LMOD2: variants seen among roughly 807,000 people sequenced by gnomAD.
The protein encoded by LMOD2 is leiomodin 2, also known as leiomodin-2.
A neutral mutation model predicts 41.7 loss-of-function variants in LMOD2; 27 were observed. The ratio of observed to expected loss-of-function variants is 0.65; its 90% confidence interval spans 0.48 to 0.89. The LOEUF (loss-of-function observed/expected upper bound fraction) is 0.89, where lower values mean the gene tolerates loss of function less well. Ranked by LOEUF, LMOD2 falls within the 40% of genes least tolerant of loss-of-function variation. The pLI is 0.00. For synonymous variants in LMOD2, 251 were observed against 244.6 expected (o/e 1.03, Z -0.25); for missense variants, 624 against 667.9 (o/e 0.93, Z 0.72).
At chr7:123,663,647 G>A in intron 2 of LMOD2, 72 bp from the exon 3 acceptor site, 1 of 1,281,208 alleles carries the variant, frequency 7.8e-7, no homozygotes, top group Non-Finnish European at 1.1e-6. Context: ...TACTGCTAGA[G>A]ACATATCCTA....
Position 123,663,200 on chromosome 7 carries a change from G to T in LMOD2, c.1614G>T (p.Lys538Asn), listed in dbSNP as rs1295902346. The change falls in exon 2 of 3, where the codon AAG becomes AAT. Residue 538 changes from lysine (K) to asparagine (N), a missense_variant. Coordinates refer to ENST00000458573, the MANE Select transcript of LMOD2 (RefSeq NM_207163.3). ...GGGGAAGCAGCATAAAACAGCTAAA[G>T]CGGGTAAGTAACCAGAGAACAGACA... Reference protein sequence around the residue: ...AIRGSSIKQLKRVEVPEALR With the variant: ...AIRGSSIKQLNRVEVPEALR 6.4e-7 allele frequency: 1 copy of T among 1,562,978 alleles called. No homozygotes were observed. The highest frequency in any genetic ancestry group is 1.9e-5 in the Admixed American group (1 of 52,192).
chr7:123,658,032 T>TGTAC (rs567850439), intron 1 of LMOD2, among the ~76,000 whole-genome samples: 35 of 141,214 alleles, frequency 2.5e-4, no homozygotes, highest in Admixed American at 2.2e-3. Flanking sequence ...TGTCTCAGAA[T>TGTAC]ATCCAGGCTG....
intron 1 of LMOD2, among the ~76,000 whole-genome samples, chr7:123,658,740 A>G (rs925882531): frequency 2.0e-5 from 3 of 152,238 alleles, no homozygotes; most frequent in Non-Finnish European, 4.4e-5. Context: ...GCTTGTACAT[A>G]GAAGTGAAAA....
In LMOD2 at chr7:123,663,716, T is replaced by A; in HGVS notation, c.1618-3T>A. The stretch of plus-strand genomic sequence containing the variant: ...ATTGAGAGAAAATCCGCTATTTTTG[T>A]AGGTGGAAGTTCCAGAAGCCCTGCG... On this transcript the variant is annotated splice_region_variant and splice_polypyrimidine_tract_variant and intron_variant, in intron 2 of 2. Coordinates refer to ENST00000458573, the MANE Select transcript of LMOD2 (RefSeq NM_207163.3). 1 of 1,578,160 alleles carries A rather than the reference T, an allele frequency of 6.3e-7. No individual in the cohort carries two copies.
At chr7:123,656,340 T>C in intron 1 of LMOD2, 104 bp downstream of exon 1, 2 of 1,261,276 alleles carry the variant, frequency 1.6e-6, no homozygotes, top group Non-Finnish European at 1.1e-6. Flanking sequence ...TCACTTGAAT[T>C]TTCCTATAAC....
rs1460842478 is a variant in LMOD2, at chr7:123,662,766, A to G, written c.1180A>G (p.Arg394Gly). ...TPSSSPYVSP[R>G]HSPWSSPKLP... ...TAGCTCTTCACCTTATGTATCTCCC[A>G]GGCACTCACCCTGGTCATCCCCAAA... The change falls in exon 2 of 3, where the codon AGG (arginine) becomes GGG (glycine). Residue 394 changes from arginine to glycine, a missense_variant. Transcript: ENST00000458573. The surrounding 1 kb of genome is among the most constrained non-coding windows in gnomAD (Gnocchi z 4.0). The G allele has an allele frequency of 5.6e-6, 9 of 1,613,948 alleles. No individual in the cohort carries two copies. Among genetic ancestry groups the G allele is most frequent in the Non-Finnish European group, 6.8e-6 (8 of 1,179,894 alleles).
At position 123,662,255 on chromosome 7, in the gene LMOD2, C is replaced by CATCA; in HGVS notation, c.670_673dup (p.Thr225AsnfsTer11). ...AAGTCAATTTGAACAACATTGAGAA[C>CATCA]ATCACAACACAGACCCTTACCCGCT... is the stretch of plus-strand genomic sequence containing the variant. On this transcript the variant is annotated frameshift_variant, in exon 2 of 3. Transcript: ENST00000458573. LOFTEE classifies it high-confidence loss of function. This position sits in a 1 kb window ranked among gnomAD's most constrained non-coding sequence, Gnocchi z 4.0. 6.2e-7 allele frequency: 1 copy of CATCA among 1,614,002 alleles called. No homozygotes were observed. The highest frequency in any genetic ancestry group is 8.5e-7 in the Non-Finnish European group (1 of 1,179,890).
In LMOD2 at chr7:123,662,995, A is replaced by G; in HGVS notation, c.1409A>G (p.Gln470Arg). Residue 470 changes from glutamine (Q) to arginine (R), a missense_variant, in exon 2 of 3, where the codon CAA becomes CGA. By Grantham distance (43) the Gln-to-Arg change is conservative (BLOSUM62 1). Transcript: ENST00000458573. This position sits in a 1 kb window ranked among gnomAD's most constrained non-coding sequence, Gnocchi z 4.0. The part of the protein sequence containing the change: ...AEVIKQQESA[Q>R]RALQNGQKKK... ...GTCATCAAACAACAGGAGAGTGCCC[A>G]ACGGGCATTACAAAATGGACAAAAA... is the stretch of plus-strand genomic sequence containing the variant. The G allele has an allele frequency of 6.4e-7, 1 of 1,552,922 alleles. No individual in the cohort carries two copies. Among genetic ancestry groups the G allele is most frequent in the Non-Finnish European group, 8.7e-7 (1 of 1,147,678 alleles).
In LMOD2 at chr7:123,662,863, C is replaced by T; in HGVS notation, c.1277C>T (p.Pro426Leu). 1 of 1,501,368 alleles carries T rather than the reference C, an allele frequency of 6.7e-7. No individual in the cohort carries two copies. Among genetic ancestry groups the T allele is most frequent in the African/African-American group, 1.4e-5 (1 of 71,504 alleles). 93.0% of individuals were successfully genotyped at this position (1,501,368 alleles called of 1,614,324 possible). ...SPVATPPPPP[P>L]PPPPPPPSSQ... ...GTGGCCACACCTCCTCCTCCTCCCC[C>T]TCCTCCTCCTCCTCCCCCTCCTTCT... is the stretch of plus-strand genomic sequence containing the variant. Residue 426 changes from proline to leucine, a missense_variant, in exon 2 of 3, where the codon CCT becomes CTT. Pro to Leu is a moderately conservative substitution (Grantham distance 98). Transcript: ENST00000458573. This position sits in a 1 kb window ranked among gnomAD's most constrained non-coding sequence, Gnocchi z 4.0.
In LMOD2 at chr7:123,662,032, G is replaced by C; in HGVS notation, c.446G>C (p.Gly149Ala). Residue 149 changes from glycine (G) to alanine (A), a missense_variant, in exon 2 of 3, where the codon GGA (glycine) becomes GCA (alanine). Transcript: ENST00000458573. This position sits in a 1 kb window ranked among gnomAD's most constrained non-coding sequence, Gnocchi z 4.0. Reference protein sequence around the residue: ...RTIETAKGINGTVNYDSVNSD... With the variant: ...RTIETAKGINATVNYDSVNSD... The stretch of plus-strand genomic sequence containing the variant: ...ATTGAAACTGCAAAAGGGATTAATG[G>C]AACTGTAAATTATGATAGTGTCAAT... 6.3e-7 allele frequency: 1 copy of C among 1,580,468 alleles called. No homozygotes were observed. Among genetic ancestry groups the C allele is most frequent in the South Asian group, 1.2e-5 (1 of 86,570 alleles).
Position 123,662,771 on chromosome 7 carries a change from C to A in LMOD2, c.1185C>A (p.His395Gln). ...PSSSPYVSPR[H>Q]SPWSSPKLPK... ...CTTCACCTTATGTATCTCCCAGGCA[C>A]TCACCCTGGTCATCCCCAAAACTCC... Residue 395 changes from histidine to glutamine, a missense_variant, in exon 2 of 3, where the codon CAC becomes CAA. His to Gln is a conservative substitution (Grantham distance 24). Transcript: ENST00000458573. The surrounding 1 kb of genome is among the most constrained non-coding windows in gnomAD (Gnocchi z 4.0). 1 of 1,613,934 alleles carries A rather than the reference C, an allele frequency of 6.2e-7. No individual in the cohort carries two copies.
rs761666083 is a variant in LMOD2, at chr7:123,655,943, G to C, written c.-21G>C. ...ATGCCTGGTCCTTCAAGCTCCTTCT[G>C]GGTCTGACAAAGCAGGGACCATGTC... On this transcript the variant is annotated 5_prime_UTR_variant, in exon 1 of 3. Transcript: ENST00000458573. The C allele has an allele frequency of 1.9e-6, 3 of 1,588,602 alleles. No individual in the cohort carries two copies. Among genetic ancestry groups the C allele is most frequent in the Non-Finnish European group, 2.6e-6 (3 of 1,169,236 alleles).
intron 2 of LMOD2, 97 bp from the exon 3 acceptor site, chr7:123,663,622 G>C: frequency 2.0e-6 from 2 of 1,004,112 alleles, no homozygotes; most frequent in Non-Finnish European, 3.0e-6. Flanking sequence ...ATCAACCTGA[G>C]TTCTTCTCAG....
chr7:123,657,015 G>A (rs1293590799), intron 1 of LMOD2, among the ~76,000 whole-genome samples: 1 of 152,124 alleles, frequency 6.6e-6, no homozygotes, highest in African/African-American at 2.4e-5. Flanking sequence ...GAGGACTCAG[G>A]GGCAGCACAG....
In LMOD2 at chr7:123,662,704, C is replaced by T. The variant is rs1309197791; in HGVS notation, c.1118C>T (p.Pro373Leu). Reference sequence around the variant, plus strand: ...CAGCAGGAGGGATACGATGGAGGACCCAATCTTAGGACCAAAGTCTGGCAA... The same window carrying T: ...CAGCAGGAGGGATACGATGGAGGACTCAATCTTAGGACCAAAGTCTGGCAA... Reference protein sequence around the residue: ...QKQQEGYDGGPNLRTKVWQRG... With the variant: ...QKQQEGYDGGLNLRTKVWQRG... The change falls in exon 2 of 3, where the codon CCC (proline) becomes CTC (leucine). Residue 373 changes from proline (P) to leucine (L), a missense_variant. Transcript: ENST00000458573. This position sits in a 1 kb window ranked among gnomAD's most constrained non-coding sequence, Gnocchi z 4.0. 2 of 1,613,948 alleles carry T rather than the reference C, an allele frequency of 1.2e-6. No homozygotes were observed. Among genetic ancestry groups the T allele is most frequent in the Non-Finnish European group, 1.7e-6 (2 of 1,179,884 alleles).
At position 123,660,342 on chromosome 7, in the gene LMOD2, C is replaced by CAG. The variant is rs1187646206; in HGVS notation, c.274-1514_274-1513dup. 2.5e-3 allele frequency among the ~76,000 whole-genome samples: 384 copies of CAG among 151,490 alleles called. 3 individuals carry two copies. Among genetic ancestry groups the CAG allele is most frequent in the African/African-American group, 8.4e-3 (348 of 41,266 alleles). The stretch of plus-strand genomic sequence containing the variant: ...TCTCTCTCACACACACACACACACA[C>CAG]AGAGACACACAGAGTATCTCTCTCT... On this transcript the variant is annotated intron_variant, in intron 1 of 2. Transcript: ENST00000458573.
chr7:123,662,726 G>T lies in LMOD2; in HGVS notation c.1140G>T (p.Trp380Cys). The change falls in exon 2 of 3, where the codon TGG (tryptophan) becomes TGT (cysteine). Residue 380 changes from tryptophan to cysteine, a missense_variant. Physicochemically the swap from Trp to Cys is radical, Grantham distance 215. Transcript: ENST00000458573. This position sits in a 1 kb window ranked among gnomAD's most constrained non-coding sequence, Gnocchi z 4.0. Reference sequence around the variant, plus strand: ...GACCCAATCTTAGGACCAAAGTCTGGCAAAGAGGAACACCTAGCTCTTCAC... The same window carrying T: ...GACCCAATCTTAGGACCAAAGTCTGTCAAAGAGGAACACCTAGCTCTTCAC... ...DGGPNLRTKV[W>C]QRGTPSSSPY... 6.2e-7 allele frequency: 1 copy of T among 1,613,964 alleles called. No homozygotes were observed. The highest frequency in any genetic ancestry group is 8.5e-7 in the Non-Finnish European group (1 of 1,179,884).
chr7:123,662,729 A>G lies in LMOD2; in HGVS notation c.1143A>G (p.Gln381=). The G allele has an allele frequency of 6.2e-7, 1 of 1,613,956 alleles. No individual in the cohort carries two copies. The highest frequency in any genetic ancestry group is 8.5e-7 in the Non-Finnish European group (1 of 1,179,880). Residue 381 remains glutamine (Q), a synonymous_variant, in exon 2 of 3, where the codon CAA becomes CAG. Coordinates refer to ENST00000458573, the MANE Select transcript of LMOD2 (RefSeq NM_207163.3). The surrounding 1 kb of genome is among the most constrained non-coding windows in gnomAD (Gnocchi z 4.0). ...CCAATCTTAGGACCAAAGTCTGGCAAAGAGGAACACCTAGCTCTTCACCTT... is the reference window on the plus strand; with the variant it reads ...CCAATCTTAGGACCAAAGTCTGGCAGAGAGGAACACCTAGCTCTTCACCTT... The part of the protein sequence containing the change: ...GGPNLRTKVW[Q]RGTPSSSPYV...
Position 123,661,896 on chromosome 7 carries a change from A to G in LMOD2, c.310A>G (p.Ile104Val). 6.5e-7 allele frequency: 1 copy of G among 1,544,896 alleles called. No individual in the cohort carries two copies. Among genetic ancestry groups the G allele is most frequent in the East Asian group, 2.4e-5 (1 of 40,866 alleles). The stretch of plus-strand genomic sequence containing the variant: ...CAAAGAGGAAAGTGAAGAAGAGCTT[A>G]TCTTTACTGAAAGTAACAGTGAGGT... ...EDKEESEEEL[I>V]FTESNSEVSE... Residue 104 changes from isoleucine to valine, a missense_variant, in exon 2 of 3, where the codon ATC becomes GTC. Coordinates refer to ENST00000458573, the MANE Select transcript of LMOD2 (RefSeq NM_207163.3).
Sources: gnomAD v4.1 joint callset for allele counts (sites outside exome capture counted in the v4.1 genomes callset) on GRCh38, gnomAD v4.1.1 for gene constraint, Gnocchi (gnomAD v3.1) non-coding constraint, MANE v1.5 for transcripts, NCBI Gene and HGNC (gene_info 2026-07-23, HGNC 2026-07-21) for gene names.